Variants in PPM1G observed in about 807,000 individuals in gnomAD.
PPM1G encodes protein phosphatase, Mg2+/Mn2+ dependent 1G, also known as protein phosphatase 1G.
In PPM1G, 12 loss-of-function variants were observed where a neutral mutation model predicts 59.4. That is an observed-to-expected ratio of 0.20 (90% CI 0.13 to 0.33). The LOEUF (loss-of-function observed/expected upper bound fraction) is 0.33, where lower values mean the gene tolerates loss of function less well. Ranked by LOEUF, PPM1G falls within the 10% of genes least tolerant of loss-of-function variation. PPM1G has a pLI of 1.00. For synonymous variants in PPM1G, 245 were observed against 251.9 expected (o/e 0.97, Z 0.26); for missense variants, 392 against 681.3 (o/e 0.58, Z 4.73).
chr2:27,403,641 C>G (rs1271770535), intron 1 of PPM1G, among the ~76,000 whole-genome samples: 5 of 152,076 alleles, frequency 3.3e-5, no homozygotes. Flanking sequence ...AATCCCAGCA[C>G]TTTGGGAGGC....
Position 27,383,732 on chromosome 2 carries a change from C to T in PPM1G, c.967-132G>A. ...AGCTTTAACAAACAGGAGAAGCACA[C>T]ATTTCATCTTTCTAGAGACAGCAGC... On this transcript the variant is annotated intron_variant, in intron 6 of 9. Transcript: ENST00000344034. This position sits in a 1 kb window ranked among gnomAD's most constrained non-coding sequence, Gnocchi z 5.0. The T allele has an allele frequency of 1.7e-6, 2 of 1,145,670 alleles. No homozygotes were observed. The highest frequency in any genetic ancestry group is 1.6e-5 in the South Asian group (1 of 64,182). 71.0% of individuals were successfully genotyped at this position (1,145,670 alleles called of 1,614,324 possible).
chr2:27,384,084 G>A lies in PPM1G; in HGVS notation c.834C>T (p.Ser278=), dbSNP rs372867701. The A allele has an allele frequency of 1.6e-5, 26 of 1,613,688 alleles. No homozygotes were observed. The highest frequency in any genetic ancestry group is 8.9e-5 in the East Asian group (4 of 44,886). ...EEEEEDSEEC[S]EEEDGYSSEE... ...CACTGCTGTAGCCATCCTCTTCCTC[G>A]CTGCATTCCTGCCAGGGGGAGGATC... Residue 278 remains serine (S), a synonymous_variant, in exon 6 of 10, where the codon AGC becomes AGT. Transcript: ENST00000344034. The surrounding 1 kb of genome is among the most constrained non-coding windows in gnomAD (Gnocchi z 4.8).
In PPM1G at chr2:27,383,442, T is replaced by C. The variant is rs2148417637; in HGVS notation, c.1125A>G (p.Ala375=). The stretch of plus-strand genomic sequence containing the variant: ...CCTTGCCACCAGCATTCTTGATGCG[T>C]GCTAGTTCTACTTCATCCTCTGGTT... The part of the protein sequence containing the change: ...DHKPEDEVEL[A]RIKNAGGKVT... Residue 375 remains alanine, a synonymous_variant, in exon 7 of 10, where the codon GCA becomes GCG. Coordinates refer to ENST00000344034, the MANE Select transcript of PPM1G (RefSeq NM_177983.3). This position sits in a 1 kb window ranked among gnomAD's most constrained non-coding sequence, Gnocchi z 5.0. 6.2e-7 allele frequency: 1 copy of C among 1,614,166 alleles called. No individual in the cohort carries two copies. Among genetic ancestry groups the C allele is most frequent in the Admixed American group, 1.7e-5 (1 of 60,018 alleles).
intron 1 of PPM1G, among the ~76,000 whole-genome samples, chr2:27,387,833 C>A (rs1683806908): frequency 6.6e-6 from 1 of 152,076 alleles, no homozygotes; most frequent in African/African-American, 2.4e-5. Flanking sequence ...GAGTCTCGCT[C>A]TGTCGCCCAG....
At chr2:27,394,741 T>TAA (rs397868730) in intron 1 of PPM1G, among the ~76,000 whole-genome samples, 19 of 107,900 alleles carry the variant, frequency 1.8e-4, no homozygotes, top group Admixed American at 3.1e-4. Context: ...GACTCTGTCT[T>TAA]AAAAAAAAAA....
intron 1 of PPM1G, chr2:27,393,179 C>G: frequency 6.6e-7 from 1 of 1,504,036 alleles, no homozygotes; most frequent in Non-Finnish European, 9.1e-7. Context: ...CATGTTCCCT[C>G]TCCTCATGAG....
chr2:27,383,142 G>A lies in PPM1G; in HGVS notation c.1201+224C>T, dbSNP rs2148417531. On this transcript the variant is annotated intron_variant, in intron 7 of 9. Transcript: ENST00000344034. This position sits in a 1 kb window ranked among gnomAD's most constrained non-coding sequence, Gnocchi z 5.0. The stretch of plus-strand genomic sequence containing the variant: ...TGAGCCACCACGCCCGGCACTCACA[G>A]GTCTTTTTCATCATTCAAATGTTAC... Among the ~76,000 whole-genome samples the A allele has an allele frequency of 6.6e-6, 1 of 152,072 alleles. No individual in the cohort carries two copies. Among genetic ancestry groups the A allele is most frequent in the African/African-American group, 2.4e-5 (1 of 41,506 alleles).
At chr2:27,406,613 C>CA (rs570991739) in intron 1 of PPM1G, among the ~76,000 whole-genome samples, 22 of 151,738 alleles carry the variant, frequency 1.4e-4, no homozygotes, top group Middle Eastern at 3.4e-3. Flanking sequence ...CCGTCCCTGA[C>CA]AAAAAAAATC....
In PPM1G at chr2:27,384,145, C is replaced by G. The variant is rs1683706937; in HGVS notation, c.826-53G>C. The G allele has an allele frequency of 6.2e-7, 1 of 1,611,616 alleles. No individual in the cohort carries two copies. The highest frequency in any genetic ancestry group is 1.7e-5 in the Admixed American group (1 of 59,874). ...GAGACTGGGATGATCCCCTCCCTCC[C>G]CACAGCTCATACTCAGAATCAAGAG... is the stretch of plus-strand genomic sequence containing the variant. On this transcript the variant is annotated intron_variant, in intron 5 of 9. Coordinates refer to ENST00000344034, the MANE Select transcript of PPM1G (RefSeq NM_177983.3). This position sits in a 1 kb window ranked among gnomAD's most constrained non-coding sequence, Gnocchi z 4.8.
intron 1 of PPM1G, among the ~76,000 whole-genome samples, chr2:27,394,453 C>T (rs1160907204): frequency 2.0e-5 from 3 of 151,960 alleles, no homozygotes; most frequent in African/African-American, 7.2e-5. Context: ...CTTCTTGTGG[C>T]TGGGCACGGT....
intron 1 of PPM1G, among the ~76,000 whole-genome samples, chr2:27,401,846 A>C (rs1341582282): frequency 2.6e-5 from 4 of 151,880 alleles, no homozygotes; most frequent in African/African-American, 9.7e-5. Context: ...AAAAAAGAAG[A>C]AAAAAAAGAA....
chr2:27,408,380 CTTCCTCCCT>C (rs539797721), intron 1 of PPM1G, among the ~76,000 whole-genome samples: 82 of 152,306 alleles, frequency 5.4e-4, no homozygotes, highest in African/African-American at 1.9e-3. Context: ...GTTAACCCGT[CTTCCTCCCT>C]TTCCTCCCTA....
intron 1 of PPM1G, among the ~76,000 whole-genome samples, chr2:27,400,802 G>A (rs944578607): frequency 2.0e-5 from 3 of 152,134 alleles, no homozygotes; most frequent in Non-Finnish European, 2.9e-5. Flanking sequence ...TCTCTTTCCT[G>A]GTTACACAGG....
chr2:27,388,753 T>C (rs954539454), intron 1 of PPM1G, among the ~76,000 whole-genome samples: 2 of 151,418 alleles, frequency 1.3e-5, no homozygotes, highest in African/African-American at 4.9e-5. Context: ...TGGGCGCCTG[T>C]AGTCCCAGCT....
rs930645624 is a variant in PPM1G at position 27,384,179 on chromosome 2, T to A, written c.826-87A>T. ...ATACTCAGAATCAAGAGGTCCTGAC[T>A]GAACACAGGTCCTCAAAACACTGAA... On this transcript the variant is annotated intron_variant, in intron 5 of 9. Transcript: ENST00000344034. The surrounding 1 kb of genome is among the most constrained non-coding windows in gnomAD (Gnocchi z 4.8). 1.3e-6 allele frequency: 2 copies of A among 1,579,480 alleles called. No homozygotes were observed. The highest frequency in any genetic ancestry group is 1.4e-5 in the African/African-American group (1 of 73,758).
intron 1 of PPM1G, among the ~76,000 whole-genome samples, chr2:27,409,043 G>GA: frequency 6.6e-6 from 1 of 152,340 alleles, no homozygotes; most frequent in Non-Finnish European, 1.5e-5. Context: ...AAAGCTCGGG[G>GA]AGAGGGCGGT....
intron 1 of PPM1G, among the ~76,000 whole-genome samples, chr2:27,397,990 C>G (rs1340368163): frequency 3.9e-5 from 6 of 152,158 alleles, no homozygotes; most frequent in Admixed American, 3.9e-4. Context: ...GTAATACTCC[C>G]CCAGTTGATC....
In PPM1G at chr2:27,383,285, A is replaced by AG. The variant is rs1683686439; in HGVS notation, c.1201+80dup. The AG allele has an allele frequency of 1.6e-6, 2 of 1,263,164 alleles. No homozygotes were observed. Among genetic ancestry groups the AG allele is most frequent in the Admixed American group, 3.7e-5 (2 of 54,616 alleles). 78.2% of individuals were successfully genotyped at this position (1,263,164 alleles called of 1,614,324 possible). On this transcript the variant is annotated intron_variant, in intron 7 of 9. Coordinates refer to ENST00000344034, the MANE Select transcript of PPM1G (RefSeq NM_177983.3). The surrounding 1 kb of genome is among the most constrained non-coding windows in gnomAD (Gnocchi z 5.0). ...AAGTGCTTTGAAAGGCACAAGCACT[A>AG]GGAAGATTAAAGTTTGCTACTAGGT...
rs933798954 is a variant in PPM1G, at chr2:27,392,724, A to G, written c.121-5566T>C. 1.1e-5 allele frequency: 11 copies of G among 988,830 alleles called. No individual in the cohort carries two copies. The African/African-American group carries it at 1.8e-4, about 16-fold the overall frequency. 61.3% of individuals were successfully genotyped at this position (988,830 alleles called of 1,614,324 possible). On this transcript the variant is annotated intron_variant, in intron 1 of 9. Transcript: ENST00000344034. The stretch of plus-strand genomic sequence containing the variant: ...AAAGGTAAAGGAAACCCCAACATAC[A>G]TGCGCTGCCTTGGTGACAAGGTAAG...
Sources: allele counts gnomAD v4.1 joint callset (sites outside exome capture counted in the v4.1 genomes callset), GRCh38; gene constraint gnomAD v4.1.1; non-coding constraint Gnocchi (gnomAD v3.1); transcripts MANE v1.5; gene names NCBI Gene and HGNC (gene_info 2026-07-23, HGNC 2026-07-21).